DAB1: variants seen among roughly 807,000 people sequenced by gnomAD.
DAB1 encodes the protein disabled homolog 1.
In DAB1, 15 loss-of-function variants were observed where a neutral mutation model predicts 64.6. The observed-to-expected ratio is 0.23, with a 90% CI of 0.16 to 0.36. The LOEUF (loss-of-function observed/expected upper bound fraction) is 0.36. Among genes scored for constraint, DAB1 ranks in the 10% least tolerant of loss-of-function variants. DAB1 has a pLI of 1.00. For synonymous variants in DAB1, 235 were observed against 251.9 expected (o/e 0.93, Z 0.64); for missense variants, 596 against 706.7 (o/e 0.84, Z 1.78).
At chr1:57,272,729 G>A (rs1671109964) in intron 2 of DAB1, among the ~76,000 whole-genome samples, 1 of 152,156 alleles carries the variant, frequency 6.6e-6, no homozygotes, top group Non-Finnish European at 1.5e-5. Flanking sequence ...ACTGGTTGTT[G>A]TGTTAAGAGA....
intron 2 of DAB1, among the ~76,000 whole-genome samples, chr1:57,176,968 G>A (rs1175768922): frequency 8.5e-5 from 3 of 35,250 alleles, no homozygotes; most frequent in African/African-American, 4.7e-4. Context: ...AGCAGCAGCA[G>A]ATATAAAAAA....
intron 2 of DAB1, among the ~76,000 whole-genome samples, chr1:57,204,179 T>C (rs1000818435): frequency 1.3e-5 from 2 of 152,186 alleles, no homozygotes; most frequent in African/African-American, 4.8e-5. Context: ...TGTGAGCTAC[T>C]GTGCCCGGCC....
At chr1:57,869,315 C>G (rs1188838414) in intron 1 of DAB1, among the ~76,000 whole-genome samples, 1 of 152,070 alleles carries the variant, frequency 6.6e-6, no homozygotes, top group Non-Finnish European at 1.5e-5. Context: ...ATTATTCTCA[C>G]TTTGGAATGG....
intron 7 of DAB1, among the ~76,000 whole-genome samples, chr1:57,496,364 C>T (rs1644230538): frequency 6.6e-6 from 1 of 152,154 alleles, no homozygotes; most frequent in South Asian, 2.1e-4. Flanking sequence ...AAAAAACTCT[C>T]TCTTGGTCTC....
At chr1:58,233,006 G>A (rs918310517) in intron 4 of DAB1, among the ~76,000 whole-genome samples, 2 of 152,118 alleles carry the variant, frequency 1.3e-5, no homozygotes, top group Non-Finnish European at 2.9e-5. Flanking sequence ...CTGTATCTCA[G>A]TGCCTAGAAC....
intron 5 of DAB1, among the ~76,000 whole-genome samples, chr1:58,043,219 G>A (rs1309910476): frequency 6.6e-6 from 1 of 152,184 alleles, no homozygotes; most frequent in Admixed American, 6.5e-5. Context: ...GATCTTGTTA[G>A]TGGCATTTGC....
intron 6 of DAB1, among the ~76,000 whole-genome samples, chr1:57,669,049 C>T (rs1262589335): frequency 6.6e-6 from 1 of 152,086 alleles, no homozygotes; most frequent in African/African-American, 2.4e-5. Flanking sequence ...ACCTAGGTGA[C>T]TGAATCTTTA....
At chr1:57,413,068 C>T (rs571816544) in intron 1 of DAB1, among the ~76,000 whole-genome samples, 19 of 152,194 alleles carry the variant, frequency 1.2e-4, no homozygotes, top group Admixed American at 5.9e-4. Flanking sequence ...AAGAATTATA[C>T]GAAATCTACT....
intron 4 of DAB1, among the ~76,000 whole-genome samples, chr1:57,082,405 G>A (rs1048425833): frequency 6.6e-6 from 1 of 152,164 alleles, no homozygotes; most frequent in Admixed American, 6.5e-5. Flanking sequence ...GAAGACACAC[G>A]TGCTTAGAAG....
At chr1:57,481,644 C>T (rs111305242) in intron 7 of DAB1, among the ~76,000 whole-genome samples, 14,783 of 152,032 alleles carry the variant, frequency 0.097, 867 homozygotes, top group Non-Finnish European at 0.14. Context: ...TGGTGAAACC[C>T]TGTCTCTACT....
At chr1:57,623,785 G>C (rs1005255506) in intron 7 of DAB1, among the ~76,000 whole-genome samples, 25 of 152,260 alleles carry the variant, frequency 1.6e-4, no homozygotes, top group African/African-American at 4.1e-4. Context: ...GTTCCAGCTT[G>C]GTCCTGAGAT....
At chr1:57,537,444 G>A (rs1644743956) in intron 7 of DAB1, among the ~76,000 whole-genome samples, 1 of 152,174 alleles carries the variant, frequency 6.6e-6, no homozygotes, top group Non-Finnish European at 1.5e-5. Flanking sequence ...TTTCTCTATT[G>A]CAGTGATACC....
At chr1:58,455,147 C>T (rs945639657) in intron 3 of DAB1, among the ~76,000 whole-genome samples, 1 of 152,210 alleles carries the variant, frequency 6.6e-6, no homozygotes, top group Non-Finnish European at 1.5e-5. Context: ...CCAGGAAACA[C>T]CTGCAGGGGA....
At chr1:57,118,683 T>G (rs750314562) in intron 4 of DAB1, among the ~76,000 whole-genome samples, 2 of 152,260 alleles carry the variant, frequency 1.3e-5, no homozygotes, top group East Asian at 3.9e-4. Context: ...CTATGACTGG[T>G]TTTTTTATTT....
intron 5 of DAB1, among the ~76,000 whole-genome samples, chr1:58,029,705 T>C (rs1303876207): frequency 6.6e-6 from 1 of 152,196 alleles, no homozygotes; most frequent in Non-Finnish European, 1.5e-5. Flanking sequence ...TGAGGAAAAA[T>C]ATTGATGCAT....
intron 2 of DAB1, among the ~76,000 whole-genome samples, chr1:57,172,518 GTT>G (rs1344084560): frequency 1.3e-5 from 2 of 152,268 alleles, no homozygotes; most frequent in East Asian, 3.9e-4. Context: ...AGGAAAAGAG[GTT>G]TATTTGGCTC....
rs186507429 is a variant in DAB1, at chr1:57,319,052, T to G, written c.-136-27886A>C. On this transcript the variant is annotated intron_variant, in intron 1 of 14. Transcript: ENST00000371236. ...GCCTCCATGTCATCAGCATTGGAGA[T>G]CCCCACCTGTCTTTCCATCTAGAAC... Among the ~76,000 whole-genome samples, 33 of 152,266 alleles carry G rather than the reference T, an allele frequency of 2.2e-4. 1 individual carries two copies. Among genetic ancestry groups the G allele is most frequent in the Admixed American group, 2.1e-3 (32 of 15,302 alleles).
chr1:58,471,948 C>A (rs1473599957), intron 3 of DAB1, among the ~76,000 whole-genome samples: 1 of 152,164 alleles, frequency 6.6e-6, no homozygotes, highest in East Asian at 1.9e-4. Context: ...CAAGAACAGA[C>A]TAATACAGCT....
chr1:57,831,537 C>CTTTTTTT (rs5774372), intron 1 of DAB1, among the ~76,000 whole-genome samples: 2 of 112,346 alleles, frequency 1.8e-5, no homozygotes, highest in African/African-American at 3.3e-5. Flanking sequence ...ATTTTCTTCT[C>CTTTTTTT]TTTTTTTTTT....
Sources: gnomAD v4.1 joint callset for allele counts (sites outside exome capture counted in the v4.1 genomes callset) on GRCh38, gnomAD v4.1.1 for gene constraint, MANE v1.5 for transcripts, NCBI Gene and HGNC (gene_info 2026-07-23, HGNC 2026-07-21) for gene names.